CSMD1: variants seen among roughly 807,000 people sequenced by gnomAD.
The protein encoded by CSMD1 is CUB and Sushi multiple domains 1.
Under a neutral mutation model 417.5 loss-of-function variants are expected in CSMD1, and 213 were observed. That is an observed-to-expected ratio of 0.51 (90% CI 0.46 to 0.57). The LOEUF is 0.57. CSMD1 is among the 20% of genes least tolerant of loss of function. The probability of loss-of-function intolerance (pLI) is 0.00; values close to 1 mark genes in which losing one functional copy is unlikely to be tolerated. For missense variants in CSMD1, 6,923 were observed against 4,529.7 expected (o/e 1.53, Z -15.17); for synonymous variants, 2,862 against 1,736.8 (o/e 1.65, Z -16.11).
intron 3 of CSMD1, among the ~76,000 whole-genome samples, chr8:4,385,974 C>T (rs928359474): frequency 3.4e-4 from 52 of 151,770 alleles, no homozygotes; most frequent in African/African-American, 1.2e-3. Context: ...CAGCATCTTT[C>T]CTTTAAGTTC....
At chr8:3,192,070 T>C (rs190942621) in intron 33 of CSMD1, among the ~76,000 whole-genome samples, 1 of 152,290 alleles carries the variant, frequency 6.6e-6, no homozygotes, top group East Asian at 1.9e-4. Flanking sequence ...GGGGAAGCAG[T>C]TCCATGAAAA....
chr8:3,061,542 T>C (rs1167255011), intron 49 of CSMD1, among the ~76,000 whole-genome samples: 1 of 152,126 alleles, frequency 6.6e-6, no homozygotes, highest in African/African-American at 2.4e-5. Flanking sequence ...ACGTGAAGCT[T>C]AATCCACAGT....
intron 12 of CSMD1, among the ~76,000 whole-genome samples, chr8:3,450,321 T>C (rs981186891): frequency 6.6e-6 from 1 of 152,094 alleles, no homozygotes; most frequent in African/African-American, 2.4e-5. Flanking sequence ...TATTTTTTTT[T>C]TTATTATGCT....
chr8:4,556,344 A>C (rs1357053363), intron 2 of CSMD1, among the ~76,000 whole-genome samples: 1 of 152,196 alleles, frequency 6.6e-6, no homozygotes, highest in East Asian at 1.9e-4. Flanking sequence ...ATAATGTTTA[A>C]GGTTATGAAG....
chr8:4,308,210 G>A (rs564791476), intron 3 of CSMD1, among the ~76,000 whole-genome samples: 15 of 152,262 alleles, frequency 9.9e-5, no homozygotes, highest in African/African-American at 3.6e-4. Flanking sequence ...ACTTGAGACT[G>A]TGTGGGATGT....
Position 4,973,442 on chromosome 8 carries a change from C to G in CSMD1, c.85+20890G>C, listed in dbSNP as rs529660513. Among the ~76,000 whole-genome samples, 663 of 152,210 alleles carry G rather than the reference C, an allele frequency of 4.4e-3. 2 individuals carry two copies. Among genetic ancestry groups the G allele is most frequent in the Middle Eastern group, 0.01 (3 of 294 alleles). On this transcript the variant is annotated intron_variant, in intron 1 of 69. Transcript: ENST00000635120. ...ACTTTCCCCAGTATGGGTTTTAGAA[C>G]ATTTTCTAGCTCTTAAATTATACAT...
In CSMD1 at chr8:4,691,818, A is replaced by G. The variant is rs114922977; in HGVS notation, c.86-54260T>C. ...CATTGTTCAAATCTAACCACAGCAG[A>G]TAAAGTCGAAGAGGTTTTAATGGGC... On this transcript the variant is annotated intron_variant, in intron 1 of 69. Coordinates refer to ENST00000635120, the MANE Select transcript of CSMD1 (RefSeq NM_033225.6). Among the ~76,000 whole-genome samples the G allele has an allele frequency of 3.9e-3, 588 of 152,356 alleles. 1 individual carries two copies. The highest frequency in any genetic ancestry group is 0.014 in the African/African-American group (567 of 41,582).
At chr8:3,322,121 C>A (rs954991066) in intron 23 of CSMD1, among the ~76,000 whole-genome samples, 5 of 152,038 alleles carry the variant, frequency 3.3e-5, no homozygotes, top group African/African-American at 9.7e-5. Flanking sequence ...TTATGAATAC[C>A]AAATACTGTT....
At chr8:4,385,164 T>C (rs1803364175) in intron 3 of CSMD1, among the ~76,000 whole-genome samples, 1 of 42,918 alleles carries the variant, frequency 2.3e-5, no homozygotes, top group Non-Finnish European at 4.8e-5. Flanking sequence ...TGACCTCAGG[T>C]GATCCTCCCC....
chr8:4,052,045 C>G (rs1441366961), intron 3 of CSMD1, among the ~76,000 whole-genome samples: 1 of 151,988 alleles, frequency 6.6e-6, no homozygotes, highest in Non-Finnish European at 1.5e-5. Context: ...AAGGGATTAT[C>G]CTGCCTCAGC....
chr8:4,383,676 C>T (rs1453397554), intron 3 of CSMD1, among the ~76,000 whole-genome samples: 1 of 152,030 alleles, frequency 6.6e-6, no homozygotes, highest in African/African-American at 2.4e-5. Context: ...AAGAAAGAAA[C>T]CAAAATATTA....
chr8:4,728,955 A>G (rs925294832), intron 1 of CSMD1, among the ~76,000 whole-genome samples: 1 of 152,174 alleles, frequency 6.6e-6, no homozygotes, highest in Non-Finnish European at 1.5e-5. Flanking sequence ...CCATGTGGAG[A>G]TAGAGATGGA....
chr8:4,200,895 A>C (rs975358611), intron 3 of CSMD1, among the ~76,000 whole-genome samples: 1 of 152,218 alleles, frequency 6.6e-6, no homozygotes, highest in Non-Finnish European at 1.5e-5. Flanking sequence ...CATCTTTAAG[A>C]AACGCTAAGC....
intron 5 of CSMD1, among the ~76,000 whole-genome samples, chr8:3,826,797 A>AT (rs571655544): frequency 6.6e-6 from 1 of 151,996 alleles, no homozygotes; most frequent in Non-Finnish European, 1.5e-5. Flanking sequence ...TAATTTTAAT[A>AT]TTTTTTTGAG....
intron 2 of CSMD1, among the ~76,000 whole-genome samples, chr8:4,598,968 T>A (rs186841568): frequency 1.3e-5 from 2 of 152,362 alleles, no homozygotes; most frequent in East Asian, 3.9e-4. Flanking sequence ...AACCAATTGT[T>A]AGTCTTCCAA....
intron 42 of CSMD1, among the ~76,000 whole-genome samples, chr8:3,115,253 G>A (rs758231810): frequency 3.6e-5 from 5 of 139,230 alleles, no homozygotes; most frequent in Non-Finnish European, 7.6e-5. Flanking sequence ...CCAGGCTGGA[G>A]TGCAATGGCG....
intron 3 of CSMD1, among the ~76,000 whole-genome samples, chr8:4,068,058 C>T (rs545950974): frequency 1.7e-4 from 26 of 151,644 alleles, no homozygotes; most frequent in Middle Eastern, 3.4e-3. Context: ...TCCAGCCTGG[C>T]GACAGAGGGA....
chr8:4,162,901 T>G (rs1797252061), intron 3 of CSMD1, among the ~76,000 whole-genome samples: 1 of 152,164 alleles, frequency 6.6e-6, no homozygotes, highest in South Asian at 2.1e-4. Flanking sequence ...TGATTTCCCC[T>G]TCCTCCAACC....
chr8:4,780,656 G>T (rs1043424212), intron 1 of CSMD1, among the ~76,000 whole-genome samples: 2 of 151,968 alleles, frequency 1.3e-5, no homozygotes, highest in African/African-American at 4.8e-5. Context: ...TGAGATCCTG[G>T]TGCACCCATC....
Sources: gnomAD v4.1 joint callset for allele counts (sites outside exome capture counted in the v4.1 genomes callset) on GRCh38, gnomAD v4.1.1 for gene constraint, MANE v1.5 for transcripts, NCBI Gene and HGNC (gene_info 2026-07-23, HGNC 2026-07-21) for gene names.